The following NLGN1 variants were observed in gnomAD, a reference collection of about 807,000 sequenced individuals.
The protein encoded by NLGN1 is neuroligin-1.
In NLGN1, 12 loss-of-function variants were observed where a neutral mutation model predicts 65.5. The observed-to-expected ratio is 0.18, with a 90% CI of 0.12 to 0.30. NLGN1 has a LOEUF of 0.30. Among genes scored for constraint, NLGN1 ranks in the 10% least tolerant of loss-of-function variants. The pLI, the probability that NLGN1 is intolerant of heterozygous loss-of-function variation, is 1.00. For synonymous variants in NLGN1, 350 were observed against 359.5 expected, an observed-to-expected ratio of 0.97 and a Z score of 0.30; for missense variants, 750 against 1,007.1, an observed-to-expected ratio of 0.74 and a Z score of 3.46.
At chr3:173,398,029 C>T (rs1223826826), upstream of NLGN1, 3 of 152,196 alleles carry the variant, frequency 2.0e-5, no homozygotes, top group East Asian at 5.8e-4. Flanking sequence ...TGCCCTGGGA[C>T]CACAGAGACC....
At chr3:174,147,142 G>C (rs1723427222) in intron 4 of NLGN1, among the ~76,000 whole-genome samples, 1 of 152,082 alleles carries the variant, frequency 6.6e-6, no homozygotes, top group South Asian at 2.1e-4. Flanking sequence ...TTCTAGTTAC[G>C]GCCGGTATTT....
chr3:173,569,897 G>T (rs753164256), intron 2 of NLGN1, among the ~76,000 whole-genome samples: 1 of 152,142 alleles, frequency 6.6e-6, no homozygotes, highest in African/African-American at 2.4e-5. Flanking sequence ...TTACTTAGCA[G>T]ATAGCATTCA....
At chr3:174,046,164 CTCCATACTATATT>C (rs1237385886) in intron 4 of NLGN1, among the ~76,000 whole-genome samples, 5 of 152,174 alleles carry the variant, frequency 3.3e-5, no homozygotes, top group African/African-American at 1.2e-4. Flanking sequence ...AAAATTGAAG[CTCCATACTATATT>C]TCCTTAAATG....
At chr3:173,714,418 T>C (rs1226123722) in intron 3 of NLGN1, among the ~76,000 whole-genome samples, 1 of 152,158 alleles carries the variant, frequency 6.6e-6, no homozygotes, top group Non-Finnish European at 1.5e-5. Context: ...ACTATTATTA[T>C]ATTGGATTAA....
At chr3:173,404,281 A>G (rs956537) in intron 1 of NLGN1, among the ~76,000 whole-genome samples, 5,117 of 152,204 alleles carry the variant, frequency 0.034, 149 homozygotes, top group African/African-American at 0.08. Context: ...TGGGGTTGAT[A>G]TCTCTCTCTG....
At chr3:174,023,819 A>G (rs2152461126) in intron 4 of NLGN1, among the ~76,000 whole-genome samples, 1 of 152,242 alleles carries the variant, frequency 6.6e-6, no homozygotes, top group South Asian at 2.1e-4. Flanking sequence ...AGAACTGGTA[A>G]CAGTGACAGG....
At chr3:173,732,891 TATG>T (rs1231858111) in intron 3 of NLGN1, among the ~76,000 whole-genome samples, 1 of 152,034 alleles carries the variant, frequency 6.6e-6, no homozygotes, top group Non-Finnish European at 1.5e-5. Context: ...ATAAAATTAT[TATG>T]ATAATAAAAA....
chr3:173,873,568 A>G (rs1731578544), intron 4 of NLGN1, among the ~76,000 whole-genome samples: 1 of 152,218 alleles, frequency 6.6e-6, no homozygotes, highest in South Asian at 2.1e-4. Flanking sequence ...GAAATTATTT[A>G]AAAATTTTAT....
chr3:173,525,681 C>T (rs1735530322), intron 2 of NLGN1, among the ~76,000 whole-genome samples: 1 of 151,918 alleles, frequency 6.6e-6, no homozygotes, highest in Non-Finnish European at 1.5e-5. Flanking sequence ...CCTTGAGTTG[C>T]AACATTAGGC....
intron 4 of NLGN1, among the ~76,000 whole-genome samples, chr3:174,169,519 CAG>C (rs1273425934): frequency 1.3e-5 from 2 of 151,986 alleles, no homozygotes; most frequent in African/African-American, 2.4e-5. Context: ...GGGCATGGAG[CAG>C]AGAGAGTCTT....
At chr3:174,250,742 A>G (rs1490107128) in intron 4 of NLGN1, among the ~76,000 whole-genome samples, 1 of 152,010 alleles carries the variant, frequency 6.6e-6, no homozygotes, top group South Asian at 2.1e-4. Flanking sequence ...AACAATTTAA[A>G]AACTATGGCC....
At chr3:173,421,006 T>A (rs1030556664) in intron 1 of NLGN1, among the ~76,000 whole-genome samples, 31 of 152,170 alleles carry the variant, frequency 2.0e-4, no homozygotes, top group African/African-American at 6.8e-4. Flanking sequence ...CTCTTCTTTT[T>A]TCAGATATTT....
chr3:173,598,266 C>G (rs1749843572), intron 2 of NLGN1, among the ~76,000 whole-genome samples: 1 of 152,130 alleles, frequency 6.6e-6, no homozygotes, highest in Non-Finnish European at 1.5e-5. Context: ...CACTACAGAC[C>G]AATCTACCTT....
At chr3:174,228,754 AT>A (rs1441012858) in intron 4 of NLGN1, among the ~76,000 whole-genome samples, 1 of 152,088 alleles carries the variant, frequency 6.6e-6, no homozygotes, top group Non-Finnish European at 1.5e-5. Flanking sequence ...ACAAACAAGC[AT>A]TTTTATAGAA....
intron 4 of NLGN1, among the ~76,000 whole-genome samples, chr3:173,978,371 A>T (rs1010080523): frequency 6.6e-6 from 1 of 152,104 alleles, no homozygotes. Context: ...GGAAATTTTT[A>T]GTTTAGTTAT....
intron 4 of NLGN1, among the ~76,000 whole-genome samples, chr3:174,055,792 A>C (rs886500948): frequency 1.3e-5 from 2 of 152,046 alleles, no homozygotes; most frequent in Non-Finnish European, 2.9e-5. Context: ...TATTACAAGC[A>C]CTCAATAATT....
intron 3 of NLGN1, among the ~76,000 whole-genome samples, chr3:173,614,033 A>T (rs1307732427): frequency 1.6e-4 from 24 of 150,952 alleles, no homozygotes; most frequent in Admixed American, 1.5e-3. Flanking sequence ...TCCACTTAAA[A>T]AAAAAAAAAA....
intron 4 of NLGN1, among the ~76,000 whole-genome samples, chr3:174,177,323 T>A (rs73035676): frequency 0.17 from 25,794 of 152,052 alleles, 4,564 homozygotes; most frequent in African/African-American, 0.45. Flanking sequence ...TGCTGAGTAC[T>A]TATTTCATGA....
At chr3:173,505,561 A>G (rs931482044) in intron 2 of NLGN1, among the ~76,000 whole-genome samples, 2 of 152,064 alleles carry the variant, frequency 1.3e-5, no homozygotes, top group African/African-American at 2.4e-5. Flanking sequence ...CAGTATATCA[A>G]GCTCCTTGGT....
Sources: allele counts gnomAD v4.1 joint callset (sites outside exome capture counted in the v4.1 genomes callset), GRCh38; gene constraint gnomAD v4.1.1; transcripts MANE v1.5; gene names NCBI Gene and HGNC (gene_info 2026-07-23, HGNC 2026-07-21).